The following ALX1 variants were observed in gnomAD, a reference collection of about 807,000 sequenced individuals.
The protein encoded by ALX1 is ALX homeobox protein 1.
Under a neutral mutation model 31.7 loss-of-function variants are expected in ALX1, and 19 were observed. That is an observed-to-expected ratio of 0.60 (90% CI 0.42 to 0.88). The LOEUF (loss-of-function observed/expected upper bound fraction) is 0.88. ALX1 is among the 40% of genes least tolerant of loss of function. The probability of loss-of-function intolerance (pLI) is 0.00; values close to 1 mark genes in which losing one functional copy is unlikely to be tolerated. For synonymous variants in ALX1, 153 were observed against 148.8 expected (o/e 1.03, Z -0.20); for missense variants, 415 against 407.8 (o/e 1.02, Z -0.15).
chr12:85,287,155 G>T (rs2137380616), intron 3 of ALX1, among the ~76,000 whole-genome samples, 174 bp downstream of exon 3: 1 of 151,794 alleles, frequency 6.6e-6, no homozygotes, highest in South Asian at 2.1e-4. Context: ...TTATTTTCTT[G>T]TTGTTTTCTT....
intron 3 of ALX1, among the ~76,000 whole-genome samples, chr12:85,290,292 G>C (rs1216974669): frequency 6.6e-6 from 1 of 151,094 alleles, no homozygotes; most frequent in African/African-American, 2.4e-5. Context: ...GCCAGACACT[G>C]TGCTTCCTTC....
At chr12:85,295,121 T>A (rs1175356282) in intron 3 of ALX1, among the ~76,000 whole-genome samples, 1 of 151,336 alleles carries the variant, frequency 6.6e-6, no homozygotes, top group Non-Finnish European at 1.5e-5. Flanking sequence ...ATCTTTTCAT[T>A]GCTTAATTAA....
At chr12:85,296,393 A>G (rs1476040823) in intron 3 of ALX1, among the ~76,000 whole-genome samples, 4 of 151,484 alleles carry the variant, frequency 2.6e-5, no homozygotes, top group African/African-American at 7.3e-5. Context: ...TATTAAATGA[A>G]TTAGGTTTCA....
At position 85,282,993 on chromosome 12, in the gene ALX1, G is replaced by A. The variant is rs565501448; in HGVS notation, c.227-579G>A. On this transcript the variant is annotated intron_variant, in intron 1 of 3. Transcript: ENST00000316824. ...TTTGTCAATTTAGTAGATTATTTTT[G>A]AAGAAAAAGTGTAAATGCAGACATG... 1.2e-3 allele frequency among the ~76,000 whole-genome samples: 182 copies of A among 152,088 alleles called. 1 individual carries two copies. Among genetic ancestry groups the A allele is most frequent in the African/African-American group, 4.2e-3 (176 of 41,502 alleles).
At chr12:85,289,958 G>GTGAC (rs1026176517) in intron 3 of ALX1, among the ~76,000 whole-genome samples, 1 of 150,956 alleles carries the variant, frequency 6.6e-6, no homozygotes, top group Non-Finnish European at 1.5e-5. Flanking sequence ...ATTGGATTTG[G>GTGAC]TGACTGTTAA....
chr12:85,287,573 G>A (rs1209054925), intron 3 of ALX1, among the ~76,000 whole-genome samples: 1 of 151,162 alleles, frequency 6.6e-6, no homozygotes, highest in Non-Finnish European at 1.5e-5. Flanking sequence ...TCACAGATGA[G>A]TAACAGCTTC....
intron 3 of ALX1, 134 bp from the exon 4 acceptor site, chr12:85,301,021 G>C (rs921271680): frequency 1.2e-6 from 1 of 834,504 alleles, no homozygotes; most frequent in South Asian, 1.6e-5. Context: ...AGTCATTGTT[G>C]TATGTAATTA....
chr12:85,301,016 T>A, intron 3 of ALX1, 139 bp from the exon 4 acceptor site: 1 of 798,588 alleles, frequency 1.3e-6, no homozygotes, highest in Non-Finnish European at 2.0e-6. Context: ...TTTTTAGTCA[T>A]TGTTGTATGT....
chr12:85,300,998 G>A (rs968286463), intron 3 of ALX1, among the ~76,000 whole-genome samples, 157 bp from the exon 4 acceptor site: 1 of 152,094 alleles, frequency 6.6e-6, no homozygotes, highest in Non-Finnish European at 1.5e-5. Context: ...GATCTCTCAA[G>A]TAATTATTTT....
In ALX1 at chr12:85,295,473, T is replaced by C. The variant is rs138314113; in HGVS notation, c.661-5682T>C. On this transcript the variant is annotated intron_variant, in intron 3 of 3. Coordinates refer to ENST00000316824, the MANE Select transcript of ALX1 (RefSeq NM_006982.3). Reference sequence around the variant, plus strand: ...TACAAATCTAGTAAATTCAATTACATAGTGATACTGTCTTAATACATTTAT... The same window carrying C: ...TACAAATCTAGTAAATTCAATTACACAGTGATACTGTCTTAATACATTTAT... Among the ~76,000 whole-genome samples the C allele has an allele frequency of 1.8e-3, 269 of 151,776 alleles. 2 individuals are homozygous for C. Among genetic ancestry groups the C allele is most frequent in the African/African-American group, 6.1e-3 (253 of 41,510 alleles).
chr12:85,284,812 A>G (rs1241781542), intron 2 of ALX1, among the ~76,000 whole-genome samples: 1 of 152,122 alleles, frequency 6.6e-6, no homozygotes, highest in East Asian at 1.9e-4. Context: ...ACTCCTCTAC[A>G]AAAGTATTGA....
rs187052426 is a variant in ALX1, at chr12:85,297,939, C to A, written c.661-3216C>A. ...AAAATTTTGATATATTAACATAAAT[C>A]ATCCATAAAATTTTGATTATATCTG... On this transcript the variant is annotated intron_variant, in intron 3 of 3. Transcript: ENST00000316824. Among the ~76,000 whole-genome samples, 5 of 151,674 alleles carry A rather than the reference C, an allele frequency of 3.3e-5. No individual in the cohort carries two copies. In the South Asian group the frequency reaches 8.3e-4, roughly 25 times the overall value.
chr12:85,285,249 C>T (rs1258420259), intron 2 of ALX1, among the ~76,000 whole-genome samples: 1 of 152,002 alleles, frequency 6.6e-6, no homozygotes, highest in Non-Finnish European at 1.5e-5. Flanking sequence ...AGAACATGCA[C>T]AGAGAGCCAA....
chr12:85,286,605 G>C (rs983489790), intron 2 of ALX1, among the ~76,000 whole-genome samples: 1 of 151,786 alleles, frequency 6.6e-6, no homozygotes, highest in Admixed American at 6.6e-5. Flanking sequence ...AGGCTCAGAC[G>C]TATCAGATGT....
chr12:85,283,724 G>A lies in ALX1; in HGVS notation c.379G>A (p.Val127Ile). 6.2e-7 allele frequency: 1 copy of A among 1,614,132 alleles called. No homozygotes were observed. The highest frequency in any genetic ancestry group is 8.5e-7 in the Non-Finnish European group (1 of 1,179,990). ...DELGDKCDSN[V>I]SSSKKRRHRT... is the part of the protein sequence containing the mutation. ...ACTTGGGGATAAATGTGATAGCAAT[G>A]TATCCAGCAGTAAGAAACGGAGGCA... The change falls in exon 2 of 4, where the codon GTA (valine) becomes ATA (isoleucine). Residue 127 changes from valine to isoleucine, a missense_variant. Coordinates refer to ENST00000316824, the MANE Select transcript of ALX1 (RefSeq NM_006982.3).
intron 3 of ALX1, among the ~76,000 whole-genome samples, chr12:85,292,497 T>C (rs984823206): frequency 6.6e-6 from 1 of 151,098 alleles, no homozygotes; most frequent in African/African-American, 2.4e-5. Context: ...GTTGTATTAT[T>C]GAGGACTTCA....
chr12:85,289,752 G>A (rs903704932), intron 3 of ALX1, among the ~76,000 whole-genome samples: 5 of 151,136 alleles, frequency 3.3e-5, no homozygotes, highest in Admixed American at 6.6e-5. Context: ...GGATAAAGCC[G>A]GGGGAATTTT....
At chr12:85,281,700 C>A (rs1896676659) in intron 1 of ALX1, among the ~76,000 whole-genome samples, 1 of 152,070 alleles carries the variant, frequency 6.6e-6, no homozygotes, top group African/African-American at 2.4e-5. Context: ...TCAGCTAAGT[C>A]GTTTCAGTCA....
chr12:85,299,711 C>A (rs915725932), intron 3 of ALX1, among the ~76,000 whole-genome samples: 4 of 151,668 alleles, frequency 2.6e-5, no homozygotes, highest in Non-Finnish European at 2.9e-5. Context: ...GACAGAGTAC[C>A]TTTTTACCAG....
Sources: allele counts gnomAD v4.1 joint callset (sites outside exome capture counted in the v4.1 genomes callset), GRCh38; gene constraint gnomAD v4.1.1; transcripts MANE v1.5; gene names NCBI Gene and HGNC (gene_info 2026-07-23, HGNC 2026-07-21).